Variants in UVRAG observed in about 807,000 individuals in gnomAD.
UVRAG encodes the protein UV radiation resistance-associated gene protein.
UVRAG carries 19 observed loss-of-function variants against 78.0 expected under a neutral mutation model. The ratio of observed to expected loss-of-function variants is 0.24; its 90% CI spans 0.17 to 0.36. UVRAG has a LOEUF of 0.36. Ranked by LOEUF, UVRAG falls within the 10% of genes least tolerant of loss-of-function variation. The pLI, the probability that UVRAG is intolerant of heterozygous loss-of-function variation, is 1.00. For synonymous variants in UVRAG, 323 were observed against 324.6 expected (o/e 1.00, Z 0.05); for missense variants, 740 against 853.8 (o/e 0.87, Z 1.66).
chr11:76,136,509 CTTTTTT>C (rs200388478), intron 14 of UVRAG, among the ~76,000 whole-genome samples: 1 of 136,118 alleles, frequency 7.3e-6, no homozygotes, highest in African/African-American at 2.7e-5. Context: ...TTCTTGTTTC[CTTTTTT>C]TTTTTTTTTT....
Position 76,141,516 on chromosome 11 carries a change from A to C in UVRAG, c.*103A>C. 1 of 1,143,278 alleles carries C rather than the reference A, an allele frequency of 8.7e-7. No individual in the cohort carries two copies. Among genetic ancestry groups the C allele is most frequent in the Non-Finnish European group, 1.2e-6 (1 of 816,490 alleles). 70.8% of individuals were successfully genotyped at this position (1,143,278 alleles called of 1,614,324 possible). ...TAATGATGACACAAAATGAATATTAATGGAGGATATTCCTCGGAAAAACAG... is the reference window on the plus strand; with the variant it reads ...TAATGATGACACAAAATGAATATTACTGGAGGATATTCCTCGGAAAAACAG... On this transcript the variant is annotated 3_prime_UTR_variant, in exon 15 of 15. Transcript: ENST00000356136.
At chr11:75,919,317 A>G (rs61061940) in intron 6 of UVRAG, among the ~76,000 whole-genome samples, 1 of 152,282 alleles carries the variant, frequency 6.6e-6, no homozygotes, top group African/African-American at 2.4e-5. Context: ...CAGACTTTAC[A>G]AAGTTTATGT....
intron 1 of UVRAG, among the ~76,000 whole-genome samples, chr11:75,820,979 T>C (rs1945373301): frequency 6.6e-6 from 1 of 152,220 alleles, no homozygotes; most frequent in Admixed American, 6.5e-5. Flanking sequence ...TTTTTAAGTA[T>C]ACAATATAGT....
chr11:75,984,472 A>G (rs1250076819), intron 8 of UVRAG, among the ~76,000 whole-genome samples: 1 of 152,218 alleles, frequency 6.6e-6, no homozygotes, highest in Non-Finnish European at 1.5e-5. Context: ...GGTTAGGTGT[A>G]TTAAATACAT....
intron 14 of UVRAG, among the ~76,000 whole-genome samples, chr11:76,120,336 G>A (rs936673970): frequency 3.3e-5 from 5 of 152,118 alleles, no homozygotes; most frequent in African/African-American, 4.8e-5. Flanking sequence ...TTAGGGATTA[G>A]GTCCTTTTCT....
chr11:76,092,001 C>T (rs1951707947), intron 13 of UVRAG, among the ~76,000 whole-genome samples: 1 of 151,064 alleles, frequency 6.6e-6, no homozygotes, highest in African/African-American at 2.4e-5. Flanking sequence ...GACCCCACAA[C>T]AGGCCCCGGC....
chr11:75,915,832 A>G (rs1174573237), intron 6 of UVRAG, among the ~76,000 whole-genome samples: 1 of 152,182 alleles, frequency 6.6e-6, no homozygotes, highest in African/African-American at 2.4e-5. Flanking sequence ...AAGATTATAA[A>G]GAGAGGAGGA....
Position 76,029,189 on chromosome 11 carries a change from C to A in UVRAG, c.1226+12209C>A, listed in dbSNP as rs953027023. 2.0e-5 allele frequency among the ~76,000 whole-genome samples: 3 copies of A among 152,110 alleles called. No homozygotes were observed. In the East Asian group the frequency reaches 5.8e-4, roughly 29 times the overall value. Reference sequence around the variant, plus strand: ...ACATGGTTTATTGAATATTTTAAGGCCCCTGTTGAGACCTACGGCTCAGAA... The same window carrying A: ...ACATGGTTTATTGAATATTTTAAGGACCCTGTTGAGACCTACGGCTCAGAA... On this transcript the variant is annotated intron_variant, in intron 12 of 14. Coordinates refer to ENST00000356136, the MANE Select transcript of UVRAG (RefSeq NM_003369.4).
chr11:76,057,082 A>G (rs893898348), intron 12 of UVRAG, among the ~76,000 whole-genome samples: 1 of 152,246 alleles, frequency 6.6e-6, no homozygotes, highest in African/African-American at 2.4e-5. Context: ...GCCAAGGAGA[A>G]TGACATGAGG....
At chr11:76,089,992 T>C (rs1300572297) in intron 13 of UVRAG, among the ~76,000 whole-genome samples, 1 of 152,182 alleles carries the variant, frequency 6.6e-6, no homozygotes, top group African/African-American at 2.4e-5. Context: ...ACCTGCCTTA[T>C]TCTACCTCCG....
chr11:75,909,071 G>T (rs1947680173), intron 5 of UVRAG, among the ~76,000 whole-genome samples: 1 of 152,102 alleles, frequency 6.6e-6, no homozygotes, highest in African/African-American at 2.4e-5. Context: ...CAATGAGCCA[G>T]GTGCAGTGGC....
At chr11:76,040,529 G>T (rs538944191) in intron 12 of UVRAG, among the ~76,000 whole-genome samples, 5 of 150,944 alleles carry the variant, frequency 3.3e-5, no homozygotes, top group East Asian at 3.9e-4. Context: ...TGGATTTTTG[G>T]TTTTTTGTTT....
rs1217583334 is a variant in UVRAG, at chr11:76,141,556, G to A, written c.*143G>A. 3 of 882,492 alleles carry A rather than the reference G, an allele frequency of 3.4e-6. No individual in the cohort carries two copies. The highest frequency in any genetic ancestry group is 5.0e-6 in the Non-Finnish European group (3 of 594,942). The allele number at this position is 882,492 out of a possible 1,614,324, so 54.7% of individuals were successfully genotyped here. A position where few individuals can be genotyped will look rare whatever the true frequency, so the allele number is the denominator to read the frequency against. On this transcript the variant is annotated 3_prime_UTR_variant, in exon 15 of 15. Transcript: ENST00000356136. ...CGGAAAAACAGACTTTGGGAATGAA[G>A]GAGGGACTCAGGATCATTGTTATCA... is the stretch of plus-strand genomic sequence containing the variant.
At chr11:76,057,290 A>G (rs956915988) in intron 12 of UVRAG, among the ~76,000 whole-genome samples, 6 of 152,206 alleles carry the variant, frequency 3.9e-5, no homozygotes, top group African/African-American at 1.4e-4. Context: ...CATAGATTAT[A>G]ACTTTAGCCC....
chr11:76,000,776 G>T (rs961101457), intron 8 of UVRAG, among the ~76,000 whole-genome samples: 4 of 152,148 alleles, frequency 2.6e-5, no homozygotes, highest in African/African-American at 9.6e-5. Context: ...GAATAAAGAG[G>T]GATATTACAT....
intron 8 of UVRAG, among the ~76,000 whole-genome samples, chr11:75,991,792 G>T (rs1319874960): frequency 6.6e-6 from 1 of 152,018 alleles, no homozygotes; most frequent in Non-Finnish European, 1.5e-5. Flanking sequence ...ATAGAAAGAG[G>T]TCCCAGGATG....
intron 7 of UVRAG, chr11:75,980,203 C>G (rs908277513): frequency 6.4e-6 from 1 of 155,976 alleles, no homozygotes; most frequent in Admixed American, 6.5e-5. Context: ...TGCTCTGTTG[C>G]CTAGACTGAG....
At chr11:76,007,840 A>G (rs1225986484) in intron 10 of UVRAG, among the ~76,000 whole-genome samples, 1 of 152,078 alleles carries the variant, frequency 6.6e-6, no homozygotes, top group Non-Finnish European at 1.5e-5. Flanking sequence ...TGCACTCATC[A>G]TCTGAAAGAC....
At chr11:75,947,846 C>G (rs1948613540) in intron 6 of UVRAG, among the ~76,000 whole-genome samples, 1 of 152,084 alleles carries the variant, frequency 6.6e-6, no homozygotes, top group East Asian at 1.9e-4. Context: ...AATGAAATAT[C>G]CATTTCAAGT....
Sources: gnomAD v4.1 joint callset for allele counts (sites outside exome capture counted in the v4.1 genomes callset) on GRCh38, gnomAD v4.1.1 for gene constraint, MANE v1.5 for transcripts, NCBI Gene and HGNC (gene_info 2026-07-23, HGNC 2026-07-21) for gene names.